RASGRF2: variants seen among roughly 807,000 people sequenced by gnomAD.
RASGRF2 encodes ras-specific guanine nucleotide-releasing factor 2.
Under a neutral mutation model 151.0 loss-of-function variants are expected in RASGRF2, and 76 were observed. The ratio of observed to expected loss-of-function variants is 0.50; its 90% CI spans 0.42 to 0.61. RASGRF2 has a LOEUF of 0.61. RASGRF2 is among the 20% of genes least tolerant of loss of function. The probability of loss-of-function intolerance (pLI) is 0.00; values close to 1 mark genes in which losing one functional copy is unlikely to be tolerated. For synonymous variants in RASGRF2, 504 were observed against 566.5 expected (o/e 0.89, Z 1.57); for missense variants, 1,148 against 1,564.6 (o/e 0.73, Z 4.49).
intron 19 of RASGRF2, among the ~76,000 whole-genome samples, chr5:81,201,857 G>A (rs942355449): frequency 2.6e-5 from 4 of 152,226 alleles, no homozygotes; most frequent in African/African-American, 7.2e-5. Context: ...CACCTAAAAT[G>A]TGGATGTGAC....
chr5:81,073,110 A>G, intron 4 of RASGRF2, 89 bp from the exon 5 acceptor site: 1 of 1,449,840 alleles, frequency 6.9e-7, no homozygotes, highest in Non-Finnish European at 9.3e-7. Context: ...TTTCTGCAAA[A>G]TTGATTTTTA....
chr5:80,995,795 C>T (rs1364575408), intron 1 of RASGRF2, among the ~76,000 whole-genome samples: 6 of 146,708 alleles, frequency 4.1e-5, no homozygotes, highest in Non-Finnish European at 7.5e-5. Context: ...CGGGTTCAAG[C>T]GATTCTCCCA....
At chr5:81,035,241 A>G (rs1750440650) in intron 1 of RASGRF2, among the ~76,000 whole-genome samples, 1 of 152,246 alleles carries the variant, frequency 6.6e-6, no homozygotes, top group South Asian at 2.1e-4. Flanking sequence ...GACTGGATTA[A>G]GAAAATGTGG....
At chr5:81,030,313 C>A (rs908906636) in intron 1 of RASGRF2, among the ~76,000 whole-genome samples, 1 of 152,150 alleles carries the variant, frequency 6.6e-6, no homozygotes, top group Non-Finnish European at 1.5e-5. Context: ...CACAAAGATA[C>A]TCCTCGAGAA....
At chr5:81,192,070 C>T (rs1391554493) in intron 18 of RASGRF2, among the ~76,000 whole-genome samples, 1 of 152,148 alleles carries the variant, frequency 6.6e-6, no homozygotes, top group African/African-American at 2.4e-5. Context: ...AGCTTATTAC[C>T]ACTTGTCTCA....
chr5:81,037,640 A>G (rs1318104479), intron 1 of RASGRF2, among the ~76,000 whole-genome samples: 1 of 152,262 alleles, frequency 6.6e-6, no homozygotes, highest in Non-Finnish European at 1.5e-5. Context: ...AAAGATCAAT[A>G]CAAAATTGTT....
At chr5:81,191,067 A>G (rs1475911186) in intron 18 of RASGRF2, among the ~76,000 whole-genome samples, 1 of 152,162 alleles carries the variant, frequency 6.6e-6, no homozygotes, top group Non-Finnish European at 1.5e-5. Context: ...GCGGCATGCA[A>G]CCCTCAGCAT....
Position 81,230,148 on chromosome 5 carries a change from T to C in RASGRF2, c.*4378T>C, listed in dbSNP as rs554724518. 2 of 152,370 alleles carry C rather than the reference T, an allele frequency of 1.3e-5. No individual in the cohort carries two copies. Among genetic ancestry groups the C allele is most frequent in the African/African-American group, 4.8e-5 (2 of 41,586 alleles). 9.4% of individuals were successfully genotyped at this position (152,370 alleles called of 1,614,324 possible). On this transcript the variant is annotated 3_prime_UTR_variant, in exon 27 of 27. Transcript: ENST00000265080. The stretch of plus-strand genomic sequence containing the variant: ...GCCTATATGCAAATTAAACTTCACC[T>C]TTCTTGAATATTCAGAAATCTCACT...
At chr5:81,013,679 T>C (rs1000551891) in intron 1 of RASGRF2, among the ~76,000 whole-genome samples, 5 of 151,922 alleles carry the variant, frequency 3.3e-5, no homozygotes, top group African/African-American at 7.3e-5. Context: ...GTATGTTGTA[T>C]GTATTATCCC....
chr5:80,982,537 G>A (rs943738188), intron 1 of RASGRF2, among the ~76,000 whole-genome samples: 12 of 151,204 alleles, frequency 7.9e-5, no homozygotes, highest in African/African-American at 2.7e-4. Context: ...AAGGAAGATA[G>A]AGCTGTGTGG....
At chr5:81,034,547 C>G (rs1435827252) in intron 1 of RASGRF2, among the ~76,000 whole-genome samples, 1 of 151,862 alleles carries the variant, frequency 6.6e-6, no homozygotes, top group African/African-American at 2.4e-5. Context: ...TTGGAACCAA[C>G]CCAAATGTCC....
At chr5:81,165,136 G>A (rs1754476728) in intron 17 of RASGRF2, among the ~76,000 whole-genome samples, 1 of 152,122 alleles carries the variant, frequency 6.6e-6, no homozygotes, top group Admixed American at 6.5e-5. Context: ...CCTCTCTTCT[G>A]AGTCCTCAGT....
At chr5:80,977,207 C>T (rs1748148146) in intron 1 of RASGRF2, among the ~76,000 whole-genome samples, 1 of 152,122 alleles carries the variant, frequency 6.6e-6, no homozygotes, top group South Asian at 2.1e-4. Flanking sequence ...TTTGTTATAG[C>T]ACGGAAGGAG....
intron 15 of RASGRF2, among the ~76,000 whole-genome samples, 155 bp downstream of exon 15, chr5:81,114,075 T>A (rs751087892): frequency 7.9e-5 from 12 of 152,332 alleles, no homozygotes; most frequent in Middle Eastern, 3.4e-3. Context: ...AAGAGAAAAT[T>A]CCTGTAGATT....
intron 1 of RASGRF2, among the ~76,000 whole-genome samples, chr5:80,967,712 C>T (rs1280415553): frequency 6.6e-6 from 1 of 152,064 alleles, no homozygotes; most frequent in Non-Finnish European, 1.5e-5. Context: ...AATAGAGGGA[C>T]TGTTGAAAAG....
At chr5:81,153,974 G>T (rs907761277) in intron 17 of RASGRF2, among the ~76,000 whole-genome samples, 1 of 150,856 alleles carries the variant, frequency 6.6e-6, no homozygotes, top group Non-Finnish European at 1.5e-5. Context: ...AAAGAGCGGT[G>T]TTTTATAATG....
chr5:81,122,529 C>T (rs1478899600), intron 15 of RASGRF2, among the ~76,000 whole-genome samples: 2 of 152,132 alleles, frequency 1.3e-5, no homozygotes, highest in African/African-American at 4.8e-5. Context: ...GGATAAGTCA[C>T]ATGCAAGTAT....
intron 1 of RASGRF2, among the ~76,000 whole-genome samples, chr5:80,965,896 C>A (rs368526198): frequency 1.1e-4 from 16 of 151,942 alleles, no homozygotes; most frequent in African/African-American, 3.9e-4. Flanking sequence ...ATATGCATGC[C>A]ACAGTCAGTA....
intron 17 of RASGRF2, among the ~76,000 whole-genome samples, chr5:81,138,803 CT>C (rs1753816615): frequency 7.9e-5 from 12 of 151,812 alleles, no homozygotes; most frequent in Non-Finnish European, 1.5e-5. Context: ...GACCATTTCC[CT>C]TGAAACCTCA....
Sources: allele counts gnomAD v4.1 joint callset (sites outside exome capture counted in the v4.1 genomes callset), GRCh38; gene constraint gnomAD v4.1.1; transcripts MANE v1.5; gene names NCBI Gene and HGNC (gene_info 2026-07-23, HGNC 2026-07-21).